The following LCLAT1 variants were observed in gnomAD, a reference collection of about 807,000 sequenced individuals.
LCLAT1 encodes 1-AGP acyltransferase 8.
LCLAT1 carries 11 observed loss-of-function variants against 30.7 expected under a neutral mutation model. That is an observed-to-expected ratio of 0.36 (90% CI 0.23 to 0.59). The LOEUF is 0.59. Among genes scored for constraint, LCLAT1 ranks in the 20% least tolerant of loss-of-function variants. The pLI, the probability that LCLAT1 is intolerant of heterozygous loss-of-function variation, is 0.77. For missense variants in LCLAT1, 402 were observed against 458.6 expected (o/e 0.88, Z 1.13); for synonymous variants, 155 against 151.3 (o/e 1.02, Z -0.18).
Position 30,640,683 on chromosome 2 carries a change from G to T in LCLAT1, c.*64G>T. 1.3e-6 allele frequency: 2 copies of T among 1,500,860 alleles called. No homozygotes were observed. Among genetic ancestry groups the T allele is most frequent in the Non-Finnish European group, 1.8e-6 (2 of 1,126,908 alleles). The allele number at this position is 1,500,860 out of a possible 1,614,324, so 93.0% of individuals were successfully genotyped here. On this transcript the variant is annotated 3_prime_UTR_variant, in exon 6 of 6. Transcript: ENST00000379509. ...TTGGAAATGTTCTAAACCTTTCTAA[G>T]CTCAGATGCATTTTTGCATGACTAT...
intron 1 of LCLAT1, among the ~76,000 whole-genome samples, chr2:30,475,846 A>C (rs955755177): frequency 4.6e-5 from 7 of 152,256 alleles, no homozygotes; most frequent in Non-Finnish European, 7.3e-5. Context: ...AATTAGAACT[A>C]TTCCTTTATG....
At chr2:30,598,775 G>A (rs10178307) in intron 5 of LCLAT1, among the ~76,000 whole-genome samples, 19,305 of 151,822 alleles carry the variant, frequency 0.13, 1,348 homozygotes, top group South Asian at 0.23. Context: ...TTCTAGCTTA[G>A]TGTGGGCATT....
chr2:30,547,002 C>T (rs1664455094), intron 3 of LCLAT1, among the ~76,000 whole-genome samples: 1 of 152,030 alleles, frequency 6.6e-6, no homozygotes, highest in African/African-American at 2.4e-5. Flanking sequence ...GCTAGTTGTC[C>T]CTTCCCAAAT....
intron 5 of LCLAT1, among the ~76,000 whole-genome samples, chr2:30,636,879 A>G (rs1337766113): frequency 6.6e-6 from 1 of 152,212 alleles, no homozygotes. Context: ...TGTGACACTC[A>G]CGTAGAATGA....
intron 5 of LCLAT1, among the ~76,000 whole-genome samples, chr2:30,580,801 T>C (rs984264559): frequency 3.3e-5 from 5 of 152,158 alleles, no homozygotes; most frequent in African/African-American, 1.2e-4. Context: ...TGTTTGACTT[T>C]ATAAATACTC....
intron 1 of LCLAT1, among the ~76,000 whole-genome samples, chr2:30,493,380 C>T (rs1683926126): frequency 6.6e-6 from 1 of 152,040 alleles, no homozygotes; most frequent in African/African-American, 2.4e-5. Flanking sequence ...TGAGAATGTA[C>T]ATAAAAAACT....
rs150105274 is a variant in LCLAT1, at chr2:30,600,388, T to G, written c.628+32212T>G. On this transcript the variant is annotated intron_variant, in intron 5 of 5. Coordinates refer to ENST00000379509, the MANE Select transcript of LCLAT1 (RefSeq NM_001002257.3). The stretch of plus-strand genomic sequence containing the variant: ...AAAGCAGTGTTAAGAGGGAAATTTA[T>G]AGCACTAAATGCTCACATTAAGCTA... Among the ~76,000 whole-genome samples, 93 of 152,264 alleles carry G rather than the reference T, an allele frequency of 6.1e-4. No homozygotes were observed. In the East Asian group the frequency reaches 0.015, roughly 25 times the overall value.
chr2:30,588,124 G>A (rs1051253167), intron 5 of LCLAT1, among the ~76,000 whole-genome samples: 3 of 152,252 alleles, frequency 2.0e-5, no homozygotes, highest in African/African-American at 7.2e-5. Flanking sequence ...CTCATAGCTG[G>A]CTGTATAGGC....
At chr2:30,600,358 C>T (rs1221260823) in intron 5 of LCLAT1, among the ~76,000 whole-genome samples, 2 of 152,082 alleles carry the variant, frequency 1.3e-5, no homozygotes, top group Non-Finnish European at 2.9e-5. Context: ...ATCTTGAACA[C>T]AGCTAAAGCA....
intron 1 of LCLAT1, among the ~76,000 whole-genome samples, chr2:30,483,385 A>T (rs1162725754): frequency 6.6e-6 from 1 of 152,166 alleles, no homozygotes; most frequent in Non-Finnish European, 1.5e-5. Context: ...TAAGAAAAAG[A>T]ATGTATTTTT....
At chr2:30,503,425 T>C (rs994260036) in intron 1 of LCLAT1, among the ~76,000 whole-genome samples, 4 of 152,214 alleles carry the variant, frequency 2.6e-5, no homozygotes, top group Admixed American at 1.3e-4. Flanking sequence ...TGGATCATAT[T>C]GTAACTCTAT....
intron 1 of LCLAT1, among the ~76,000 whole-genome samples, chr2:30,463,726 A>G (rs970834318): frequency 1.3e-5 from 2 of 152,310 alleles, no homozygotes; most frequent in South Asian, 4.1e-4. Context: ...GTCATTTTAT[A>G]TAAGGAACTT....
At chr2:30,496,743 G>A (rs1307651917) in intron 1 of LCLAT1, among the ~76,000 whole-genome samples, 1 of 152,128 alleles carries the variant, frequency 6.6e-6, no homozygotes, top group Non-Finnish European at 1.5e-5. Flanking sequence ...TATTAAAAAT[G>A]CTTATCTGAA....
chr2:30,626,461 T>A (rs1668514050), intron 5 of LCLAT1, among the ~76,000 whole-genome samples: 1 of 152,194 alleles, frequency 6.6e-6, no homozygotes, highest in Non-Finnish European at 1.5e-5. Context: ...TTCTCACGTG[T>A]GTAGATTCAT....
chr2:30,549,342 C>G lies in LCLAT1; in HGVS notation c.365-12804C>G, dbSNP rs1664575025. On this transcript the variant is annotated intron_variant, in intron 3 of 5. Transcript: ENST00000379509. ...GGCTGCTAGATATCCCAGATGTGAG[C>G]TAGGAAGCGAATTTCACCTCTAGTA... 2.6e-5 allele frequency among the ~76,000 whole-genome samples: 4 copies of G among 152,162 alleles called. No homozygotes were observed. The South Asian group carries it at 8.3e-4, about 32-fold the overall frequency.
rs555722355 is a variant in LCLAT1, at chr2:30,474,782, G to GT, written c.-5+27399_-5+27400insT. Among the ~76,000 whole-genome samples the GT allele has an allele frequency of 5.9e-3, 889 of 150,916 alleles. 14 individuals are homozygous for GT. The highest frequency in any genetic ancestry group is 6.8e-3 in the Middle Eastern group (2 of 294). On this transcript the variant is annotated intron_variant, in intron 1 of 5. Coordinates refer to ENST00000379509, the MANE Select transcript of LCLAT1 (RefSeq NM_001002257.3). The stretch of plus-strand genomic sequence containing the variant: ...TCCTGGCACAGCCTCCTGTGTAGTT[G>GT]GGATCACAGGTGTGCACCACCACAC...
At chr2:30,534,440 G>A (rs1686141768) in intron 3 of LCLAT1, among the ~76,000 whole-genome samples, 1 of 152,072 alleles carries the variant, frequency 6.6e-6, no homozygotes, top group Non-Finnish European at 1.5e-5. Context: ...ACCACGCCTG[G>A]CTAATTTTTT....
intron 1 of LCLAT1, among the ~76,000 whole-genome samples, chr2:30,506,093 T>C (rs1241057422): frequency 6.6e-6 from 1 of 152,156 alleles, no homozygotes; most frequent in East Asian, 1.9e-4. Flanking sequence ...TTAACTGTCC[T>C]GTTGTGTTTG....
chr2:30,573,730 A>G (rs762560181), intron 5 of LCLAT1, among the ~76,000 whole-genome samples: 5 of 152,168 alleles, frequency 3.3e-5, no homozygotes, highest in Non-Finnish European at 5.9e-5. Flanking sequence ...TACTAGCTAT[A>G]TGTAAATTTT....
Sources: allele counts gnomAD v4.1 joint callset (sites outside exome capture counted in the v4.1 genomes callset), GRCh38; gene constraint gnomAD v4.1.1; transcripts MANE v1.5; gene names NCBI Gene and HGNC (gene_info 2026-07-23, HGNC 2026-07-21).